LRRTM4: variants seen among roughly 807,000 people sequenced by gnomAD.
LRRTM4 encodes leucine rich repeat transmembrane neuronal 4.
In LRRTM4, 25 loss-of-function variants were observed where a neutral mutation model predicts 47.6. The ratio of observed to expected loss-of-function variants is 0.53; its 90% CI spans 0.38 to 0.73. LRRTM4 has a LOEUF of 0.73. Ranked by LOEUF, LRRTM4 falls within the 30% of genes least tolerant of loss-of-function variation. LRRTM4 has a pLI of 0.00. For synonymous variants in LRRTM4, 311 were observed against 269.5 expected, an observed-to-expected ratio of 1.15 and a Z score of -1.51; for missense variants, 638 against 713.4, an observed-to-expected ratio of 0.89 and a Z score of 1.20.
At chr2:76,983,624 C>A (rs1359957895) in intron 3 of LRRTM4, among the ~76,000 whole-genome samples, 2 of 151,982 alleles carry the variant, frequency 1.3e-5, no homozygotes, top group Non-Finnish European at 2.9e-5. Flanking sequence ...TCAGGTGTGT[C>A]TTTATTAGTA....
intron 3 of LRRTM4, among the ~76,000 whole-genome samples, chr2:77,302,155 C>T (rs1298607657): frequency 6.6e-6 from 1 of 152,070 alleles, no homozygotes; most frequent in Admixed American, 6.6e-5. Flanking sequence ...AAACTCACAT[C>T]AGGGCAGTAA....
intron 3 of LRRTM4, among the ~76,000 whole-genome samples, chr2:77,299,269 AC>A (rs1677059512): frequency 1.3e-5 from 1 of 76,630 alleles, no homozygotes; most frequent in Non-Finnish European, 3.5e-5. Flanking sequence ...ACACACACAC[AC>A]ACACACACAC....
chr2:76,915,272 T>A (rs1674204945), intron 3 of LRRTM4, among the ~76,000 whole-genome samples: 1 of 152,120 alleles, frequency 6.6e-6, no homozygotes, highest in Non-Finnish European at 1.5e-5. Flanking sequence ...AAAATCATTC[T>A]GGAAAGTTCA....
At chr2:77,096,469 A>C (rs1670814788) in intron 3 of LRRTM4, among the ~76,000 whole-genome samples, 2 of 151,622 alleles carry the variant, frequency 1.3e-5, no homozygotes, top group African/African-American at 4.8e-5. Flanking sequence ...GAGTAAATTA[A>C]TAAATTAAAA....
At chr2:77,289,697 G>A (rs74705049) in intron 3 of LRRTM4, among the ~76,000 whole-genome samples, 2 of 152,100 alleles carry the variant, frequency 1.3e-5, no homozygotes, top group Non-Finnish European at 2.9e-5. Flanking sequence ...TAGGCAGATT[G>A]ATTGAATTTT....
chr2:77,018,582 G>A (rs1678157488), intron 3 of LRRTM4, among the ~76,000 whole-genome samples: 1 of 151,986 alleles, frequency 6.6e-6, no homozygotes, highest in Non-Finnish European at 1.5e-5. Context: ...GATAACATCA[G>A]CAACCAGGCC....
At chr2:77,368,099 T>C (rs964836789) in intron 3 of LRRTM4, among the ~76,000 whole-genome samples, 3 of 151,796 alleles carry the variant, frequency 2.0e-5, no homozygotes, top group Non-Finnish European at 2.9e-5. Context: ...TTCTAATCTG[T>C]ATGCTCTTGG....
In LRRTM4 at chr2:77,153,072, T is replaced by TC. The variant is rs1672471976; in HGVS notation, c.1551+365245dup. On this transcript the variant is annotated intron_variant, in intron 3 of 3. Transcript: ENST00000409884. ...TCCTTCTGAGATCTTATATCCTTCA[T>TC]CTCCACCCTACTTACAGATATTTAT... 2.0e-5 allele frequency among the ~76,000 whole-genome samples: 3 copies of TC among 152,292 alleles called. No homozygotes were observed. In the South Asian group the frequency reaches 6.2e-4, roughly 32 times the overall value.
At chr2:77,187,923 G>A (rs1221327044) in intron 3 of LRRTM4, among the ~76,000 whole-genome samples, 1 of 151,954 alleles carries the variant, frequency 6.6e-6, no homozygotes, top group Non-Finnish European at 1.5e-5. Context: ...AGAATGTTAT[G>A]TTAAAACACA....
intron 3 of LRRTM4, among the ~76,000 whole-genome samples, chr2:77,196,662 A>G (rs1482438909): frequency 1.3e-5 from 2 of 152,138 alleles, no homozygotes; most frequent in East Asian, 3.9e-4. Flanking sequence ...AATCCTTTAA[A>G]TCCAGGAGGT....
chr2:76,786,624 A>C (rs1674688661), intron 3 of LRRTM4, among the ~76,000 whole-genome samples: 1 of 152,072 alleles, frequency 6.6e-6, no homozygotes, highest in African/African-American at 2.4e-5. Context: ...GCAGAGAGGT[A>C]ATTTGGTTTT....
intron 3 of LRRTM4, among the ~76,000 whole-genome samples, chr2:77,021,637 A>G (rs1425863829): frequency 6.6e-6 from 1 of 152,224 alleles, no homozygotes; most frequent in African/African-American, 2.4e-5. Context: ...ACCAGGTCCC[A>G]TCTTTAACCA....
intron 3 of LRRTM4, among the ~76,000 whole-genome samples, chr2:77,102,096 C>T (rs1235250856): frequency 2.0e-5 from 3 of 152,208 alleles, no homozygotes; most frequent in Non-Finnish European, 4.4e-5. Context: ...CTGGCTCCAG[C>T]CTGCAGCTTC....
intron 3 of LRRTM4, among the ~76,000 whole-genome samples, chr2:77,044,876 T>C (rs1237564019): frequency 6.6e-6 from 1 of 151,738 alleles, no homozygotes; most frequent in East Asian, 1.9e-4. Flanking sequence ...CACAGACAAA[T>C]GTATACATAT....
At chr2:76,825,175 G>C (rs1443849023) in intron 3 of LRRTM4, among the ~76,000 whole-genome samples, 2 of 151,548 alleles carry the variant, frequency 1.3e-5, no homozygotes, top group African/African-American at 2.4e-5. Flanking sequence ...AGGAAATAAA[G>C]AGGATTAAAA....
At chr2:76,942,221 T>C (rs1675169309) in intron 3 of LRRTM4, among the ~76,000 whole-genome samples, 1 of 152,144 alleles carries the variant, frequency 6.6e-6, no homozygotes, top group African/African-American at 2.4e-5. Context: ...CCTTGTCTGA[T>C]GGATAGACGG....
chr2:77,304,552 C>T (rs1301745307), intron 3 of LRRTM4, among the ~76,000 whole-genome samples: 5 of 152,016 alleles, frequency 3.3e-5, no homozygotes, highest in Non-Finnish European at 7.4e-5. Context: ...GAAAAAAATA[C>T]TTGAGACATA....
At chr2:77,153,708 A>G (rs951230237) in intron 3 of LRRTM4, among the ~76,000 whole-genome samples, 1 of 152,178 alleles carries the variant, frequency 6.6e-6, no homozygotes, top group African/African-American at 2.4e-5. Flanking sequence ...AAAAGTTATG[A>G]ATGCTTTTAG....
intron 3 of LRRTM4, among the ~76,000 whole-genome samples, chr2:77,177,399 T>C (rs773007312): frequency 3.3e-5 from 5 of 152,176 alleles, no homozygotes; most frequent in Non-Finnish European, 5.9e-5. Flanking sequence ...AGAAAAATCA[T>C]TCTCTGTATC....
Sources: gnomAD v4.1 joint callset for allele counts (sites outside exome capture counted in the v4.1 genomes callset) on GRCh38, gnomAD v4.1.1 for gene constraint, MANE v1.5 for transcripts, NCBI Gene and HGNC (gene_info 2026-07-23, HGNC 2026-07-21) for gene names.